Variants in VCL observed in about 807,000 individuals in gnomAD.
VCL encodes vinculin.
In VCL, 47 loss-of-function variants were observed where a neutral mutation model predicts 125.7. The ratio of observed to expected loss-of-function variants is 0.37; its 90% CI spans 0.30 to 0.48. The LOEUF (loss-of-function observed/expected upper bound fraction) is 0.48. Among genes scored for constraint, VCL ranks in the 20% least tolerant of loss-of-function variants. The pLI is 0.99. For synonymous variants in VCL, 458 were observed against 514.6 expected (o/e 0.89, Z 1.49); for missense variants, 1,069 against 1,455.5 (o/e 0.73, Z 4.32).
intron 1 of VCL, among the ~76,000 whole-genome samples, chr10:74,016,555 C>T (rs1040347318): frequency 3.3e-5 from 5 of 152,058 alleles, no homozygotes; most frequent in African/African-American, 1.2e-4. Flanking sequence ...CCACTGCCCT[C>T]TAGCCTGGGC....
intron 1 of VCL, among the ~76,000 whole-genome samples, chr10:74,040,208 A>G (rs1841067310): frequency 6.6e-6 from 1 of 152,162 alleles, no homozygotes. Flanking sequence ...TTGTTTATTT[A>G]CTTGACTCTC....
intron 1 of VCL, among the ~76,000 whole-genome samples, chr10:74,039,769 TAAAAA>T (rs1433810823): frequency 1.4e-5 from 2 of 147,598 alleles, no homozygotes; most frequent in Admixed American, 6.6e-5. Flanking sequence ...TCATGTCTCT[TAAAAA>T]AGAAAAGAAA....
intron 1 of VCL, among the ~76,000 whole-genome samples, chr10:74,038,330 C>T (rs1294445674): frequency 6.6e-6 from 1 of 152,154 alleles, no homozygotes; most frequent in African/African-American, 2.4e-5. Flanking sequence ...TCAATACTCA[C>T]AGGTGGCTAA....
Position 74,062,900 on chromosome 10 carries a change from A to G in VCL, c.240-7770A>G, listed in dbSNP as rs141579379. Among the ~76,000 whole-genome samples, 6 of 152,164 alleles carry G rather than the reference A, an allele frequency of 3.9e-5. 1 individual carries two copies. In the East Asian group the frequency reaches 7.7e-4, roughly 20 times the overall value. ...CTGGCCATCATGATACCCCGTCGCT[A>G]CTAAAAATATAAAAATTAGCCAGCT... On this transcript the variant is annotated intron_variant, in intron 2 of 21. Coordinates refer to ENST00000211998, the MANE Select transcript of VCL (RefSeq NM_014000.3).
chr10:74,022,502 C>T (rs1048485255), intron 1 of VCL, among the ~76,000 whole-genome samples: 2 of 151,238 alleles, frequency 1.3e-5, no homozygotes, highest in African/African-American at 2.4e-5. Context: ...GCCAAGATTG[C>T]GCCATTGAAC....
intron 19 of VCL, among the ~76,000 whole-genome samples, chr10:74,112,985 C>T (rs1170974930): frequency 6.6e-6 from 1 of 152,164 alleles, no homozygotes; most frequent in Non-Finnish European, 1.5e-5. Context: ...GACTTCTTCC[C>T]ATACCTGCGT....
At chr10:74,094,034 T>C (rs1209583433) in intron 10 of VCL, among the ~76,000 whole-genome samples, 1 of 152,190 alleles carries the variant, frequency 6.6e-6, no homozygotes, top group Non-Finnish European at 1.5e-5. Context: ...ACCAAATGAT[T>C]GATCTGAGCT....
Position 74,083,438 on chromosome 10 carries a change from A to G in VCL, c.947A>G (p.Lys316Arg), listed in dbSNP as rs143944164. ...AAAGTTGGTGAACTCTGTGCAGGCA[A>G]AGAACGCAGGGAGATTCTGGGAACT... ...AGKVGELCAG[K>R]ERREILGTCK... is the part of the protein sequence containing the mutation. Residue 316 changes from lysine (K) to arginine (R), a missense_variant, in exon 8 of 22, where the codon AAA (lysine) becomes AGA (arginine). This residue lies in a region of VCL where 760 missense variants were observed against 928.9 expected (regional missense o/e 0.82). Transcript: ENST00000211998. 1 of 1,614,026 alleles carries G rather than the reference A, an allele frequency of 6.2e-7. No individual in the cohort carries two copies. The highest frequency in any genetic ancestry group is 8.5e-7 in the Non-Finnish European group (1 of 1,180,014).
intron 19 of VCL, 24 bp from the exon 20 acceptor site, chr10:74,114,160 C>T: frequency 1.2e-6 from 2 of 1,612,030 alleles, no homozygotes; most frequent in Admixed American, 1.7e-5. Context: ...GCAGAGCTCA[C>T]ACTGTATCTT....
intron 1 of VCL, chr10:74,027,773 G>A (rs748623678): frequency 2.6e-5 from 4 of 151,890 alleles, no homozygotes; most frequent in Non-Finnish European, 4.4e-5. Context: ...GAGCATGTGC[G>A]CACAGATATG....
intron 2 of VCL, 139 bp downstream of exon 2, chr10:74,043,292 A>G: frequency 1.3e-6 from 1 of 773,570 alleles, no homozygotes; most frequent in South Asian, 1.6e-5. Flanking sequence ...TTTGTCTTCT[A>G]ACTTTTTTAA....
chr10:74,108,660 A>T lies in VCL; in HGVS notation c.2560-311A>T, dbSNP rs563645002. ...ATGCCCGGCTAATTTTTGTGTTTTT[A>T]GTAGAGATGGGGTTTCACCATTTTG... On this transcript the variant is annotated intron_variant, in intron 17 of 21. Transcript: ENST00000211998. 3.3e-5 allele frequency among the ~76,000 whole-genome samples: 5 copies of T among 152,100 alleles called. No homozygotes were observed. The East Asian group carries it at 7.7e-4, about 24-fold the overall frequency.
chr10:74,011,121 C>T (rs1034188809), intron 1 of VCL, among the ~76,000 whole-genome samples: 14 of 138,620 alleles, frequency 1.0e-4, no homozygotes, highest in African/African-American at 3.2e-4. Context: ...CAGTTAGCTG[C>T]GCCATTGCAC....
At position 74,100,903 on chromosome 10, in the gene VCL, C is replaced by T. The variant is rs201560091; in HGVS notation, c.1873-45C>T. The T allele has an allele frequency of 3.7e-5, 59 of 1,611,168 alleles. No homozygotes were observed. The African/African-American group carries it at 7.9e-4, about 21-fold the overall frequency. On this transcript the variant is annotated intron_variant, in intron 13 of 21. Coordinates refer to ENST00000211998, the MANE Select transcript of VCL (RefSeq NM_014000.3). ...AAACTTTTTCTTAGGCTGCCTGACC[C>T]ATTTTATTGAAATAAATGTTCTTAA...
chr10:74,112,170 C>T, intron 19 of VCL, 58 bp downstream of exon 19: 1 of 1,593,674 alleles, frequency 6.3e-7, no homozygotes. Flanking sequence ...CATGTGCAGC[C>T]TTGACACATT....
intron 20 of VCL, 139 bp from the exon 21 acceptor site, chr10:74,114,656 A>G: frequency 1.0e-6 from 1 of 1,000,854 alleles, no homozygotes; most frequent in Non-Finnish European, 1.5e-6. Flanking sequence ...GGGAAAAAAC[A>G]AGTGGAATTC....
At chr10:74,000,404 CTTTGTTTG>C (rs369969980) in intron 1 of VCL, among the ~76,000 whole-genome samples, 77 of 151,442 alleles carry the variant, frequency 5.1e-4, no homozygotes, top group Middle Eastern at 3.4e-3. Context: ...AGCTGAAGGC[CTTTGTTTG>C]TTTGTTTGTT....
rs866262635 is a variant in VCL at position 73,998,328 on chromosome 10, A to G, written c.121A>G (p.Thr41Ala). The G allele has an allele frequency of 6.4e-7, 1 of 1,566,092 alleles. No homozygotes were observed. The highest frequency in any genetic ancestry group is 1.4e-5 in the African/African-American group (1 of 73,080). ...EVDGKAIPDL[T>A]APVAAVQAAV... is the part of the protein sequence containing the mutation. Reference sequence around the variant, plus strand: ...GGACGGCAAAGCCATTCCTGACCTCACCGCGCCCGTGGCCGCCGTGCAGGC... The same window carrying G: ...GGACGGCAAAGCCATTCCTGACCTCGCCGCGCCCGTGGCCGCCGTGCAGGC... Residue 41 changes from threonine (T) to alanine (A), a missense_variant, in exon 1 of 22, where the codon ACC (threonine) becomes GCC (alanine). Transcript: ENST00000211998.
rs370213146 is a variant in VCL, at chr10:74,043,076, C to G, written c.169-7C>G. 249 of 1,611,392 alleles carry G rather than the reference C, an allele frequency of 1.5e-4. No individual in the cohort carries two copies. Among genetic ancestry groups the G allele is most frequent in the Non-Finnish European group, 2.0e-4 (236 of 1,178,510 alleles). ...TATTTGAATTATGATTTTTTTTCCT[C>G]TTGTAGGTTGGAAAAGAGACTGTTC... On this transcript the variant is annotated splice_region_variant and splice_polypyrimidine_tract_variant and intron_variant, in intron 1 of 21. Transcript: ENST00000211998.
Sources: allele counts gnomAD v4.1 joint callset (sites outside exome capture counted in the v4.1 genomes callset), GRCh38; gene constraint gnomAD v4.1.1; regional missense constraint gnomAD v4.1.1; transcripts MANE v1.5; gene names NCBI Gene and HGNC (gene_info 2026-07-23, HGNC 2026-07-21).